FILIP1L: variants seen among roughly 807,000 people sequenced by gnomAD.
FILIP1L encodes the protein filamin A interacting protein 1 like.
FILIP1L carries 55 observed loss-of-function variants against 96.6 expected under a neutral mutation model. The ratio of observed to expected loss-of-function variants is 0.57; its 90% CI spans 0.46 to 0.71. FILIP1L has a LOEUF of 0.71. FILIP1L is among the 30% of genes least tolerant of loss of function. The probability of loss-of-function intolerance (pLI) is 0.00; values close to 1 mark genes in which losing one functional copy is unlikely to be tolerated. For synonymous variants in FILIP1L, 467 were observed against 473.9 expected (o/e 0.99, Z 0.19); for missense variants, 1,304 against 1,321.2 (o/e 0.99, Z 0.20).
chr3:100,067,109 A>G lies in FILIP1L; in HGVS notation c.-11+46944T>C, dbSNP rs189353074. On this transcript the variant is annotated intron_variant, in intron 1 of 5. Coordinates refer to ENST00000477258, the MANE Select transcript of FILIP1L (RefSeq NM_001387850.1). ...CTGAGATGCATGTTCCCAGGGCACC[A>G]GTCACCTAGAATACAGGAGTTTTGC... is the stretch of plus-strand genomic sequence containing the variant. Among the ~76,000 whole-genome samples the G allele has an allele frequency of 6.5e-4, 99 of 152,328 alleles. 1 individual carries two copies. Among genetic ancestry groups the G allele is most frequent in the Admixed American group, 2.5e-3 (39 of 15,302 alleles).
chr3:99,873,555 T>C (rs1343421611), intron 4 of FILIP1L, among the ~76,000 whole-genome samples: 2 of 152,234 alleles, frequency 1.3e-5, no homozygotes, highest in Non-Finnish European at 2.9e-5. Flanking sequence ...CCTGAAGCAC[T>C]AGACATGGAC....
At chr3:99,922,893 T>C (rs531044243) in intron 4 of FILIP1L, among the ~76,000 whole-genome samples, 1 of 152,350 alleles carries the variant, frequency 6.6e-6, no homozygotes, top group East Asian at 1.9e-4. Flanking sequence ...TTTTAAAGCA[T>C]TGCAATTTGG....
At chr3:99,948,991 C>A (rs534685875) in intron 1 of FILIP1L, among the ~76,000 whole-genome samples, 1 of 152,148 alleles carries the variant, frequency 6.6e-6, no homozygotes, top group Non-Finnish European at 1.5e-5. Flanking sequence ...GTGGCCAATT[C>A]TTTCAAGATA....
intron 1 of FILIP1L, among the ~76,000 whole-genome samples, chr3:100,014,887 C>CTT (rs1559725867): frequency 1.5e-4 from 5 of 32,466 alleles, no homozygotes; most frequent in Admixed American, 7.7e-4. Flanking sequence ...TTTTTTTTTT[C>CTT]TTTCTTTCTT....
chr3:99,873,935 T>C (rs1213998007), intron 4 of FILIP1L, among the ~76,000 whole-genome samples: 4 of 152,190 alleles, frequency 2.6e-5, no homozygotes. Flanking sequence ...GTGTAGAAAT[T>C]CACATTCATT....
intron 1 of FILIP1L, among the ~76,000 whole-genome samples, chr3:100,004,042 T>TG (rs1709918523): frequency 6.6e-6 from 1 of 152,222 alleles, no homozygotes; most frequent in Admixed American, 6.5e-5. Context: ...GTAAGCATCT[T>TG]GCCTTACTCA....
intron 1 of FILIP1L, among the ~76,000 whole-genome samples, chr3:99,991,661 A>G (rs1268946429): frequency 1.3e-5 from 2 of 151,826 alleles, no homozygotes; most frequent in Non-Finnish European, 2.9e-5. Context: ...ATGTCCATGT[A>G]TATCCATTGT....
At chr3:99,908,483 T>G (rs1187683649) in intron 4 of FILIP1L, among the ~76,000 whole-genome samples, 2 of 152,214 alleles carry the variant, frequency 1.3e-5, no homozygotes, top group Non-Finnish European at 2.9e-5. Flanking sequence ...TCTATACTTT[T>G]AAGTGTCTCC....
intron 4 of FILIP1L, among the ~76,000 whole-genome samples, chr3:99,903,081 T>C (rs1030289592): frequency 2.0e-5 from 3 of 152,132 alleles, no homozygotes; most frequent in Non-Finnish European, 4.4e-5. Context: ...CCTAGGTACC[T>C]TATTTATCAT....
At chr3:99,970,805 C>T (rs1032144122) in intron 1 of FILIP1L, among the ~76,000 whole-genome samples, 1 of 152,198 alleles carries the variant, frequency 6.6e-6, no homozygotes, top group Non-Finnish European at 1.5e-5. Context: ...CTATCTGCTA[C>T]AGCCAGCCAC....
intron 1 of FILIP1L, among the ~76,000 whole-genome samples, chr3:100,022,531 G>A (rs1217243507): frequency 6.6e-6 from 1 of 152,168 alleles, no homozygotes; most frequent in Non-Finnish European, 1.5e-5. Flanking sequence ...TATTGGACCT[G>A]AGTATTCAAA....
chr3:100,019,092 G>A (rs1439111855), intron 1 of FILIP1L, among the ~76,000 whole-genome samples: 2 of 152,116 alleles, frequency 1.3e-5, no homozygotes, highest in African/African-American at 4.8e-5. Context: ...ATTGTTCAAG[G>A]GAATGTAAAT....
intron 4 of FILIP1L, among the ~76,000 whole-genome samples, chr3:99,873,408 T>C (rs1006009479): frequency 2.6e-5 from 4 of 152,202 alleles, no homozygotes; most frequent in African/African-American, 7.2e-5. Context: ...CTGAAGCAGG[T>C]TGAGACCAAT....
chr3:99,901,649 T>C (rs1300954741), intron 4 of FILIP1L, among the ~76,000 whole-genome samples: 1 of 152,212 alleles, frequency 6.6e-6, no homozygotes, highest in East Asian at 1.9e-4. Flanking sequence ...AGCTAAATAG[T>C]CAAAGTTCAG....
chr3:99,913,224 A>T (rs1251890022), intron 4 of FILIP1L, among the ~76,000 whole-genome samples: 1 of 152,226 alleles, frequency 6.6e-6, no homozygotes, highest in Non-Finnish European at 1.5e-5. Context: ...GTATTTTGTC[A>T]TCACAGCCCC....
chr3:99,924,132 G>C (rs1707211785), intron 4 of FILIP1L, 98 bp downstream of exon 4: 1 of 1,001,332 alleles, frequency 1.0e-6, no homozygotes, highest in Admixed American at 2.2e-5. Flanking sequence ...TTTGAGAACA[G>C]AGACTGTGTC....
rs368055286 is a variant in FILIP1L at position 99,833,203 on chromosome 3, G to A, written c.3382-2598C>T. The stretch of plus-strand genomic sequence containing the variant: ...CAGTTCAACATGAAGACTGGGATTT[G>A]GAATGCCTTAAAAGTCTGAAGGATG... On this transcript the variant is annotated intron_variant, in intron 5 of 5. Transcript: ENST00000477258. 5.6e-6 allele frequency: 9 copies of A among 1,597,810 alleles called. No individual in the cohort carries two copies. The African/African-American group carries it at 1.1e-4, about 19-fold the overall frequency.
chr3:100,017,759 T>TA (rs1343759030), intron 1 of FILIP1L, among the ~76,000 whole-genome samples: 2 of 151,922 alleles, frequency 1.3e-5, no homozygotes, highest in Non-Finnish European at 2.9e-5. Flanking sequence ...ACACTGTCTC[T>TA]AAAAATAATA....
chr3:100,033,581 G>C (rs990543560), intron 1 of FILIP1L, among the ~76,000 whole-genome samples: 19 of 152,272 alleles, frequency 1.2e-4, no homozygotes, highest in Non-Finnish European at 2.6e-4. Context: ...CCCCTCAACT[G>C]CACTCTTAAA....
Sources: allele counts gnomAD v4.1 joint callset (sites outside exome capture counted in the v4.1 genomes callset), GRCh38; gene constraint gnomAD v4.1.1; transcripts MANE v1.5; gene names NCBI Gene and HGNC (gene_info 2026-07-23, HGNC 2026-07-21).